Variants in TRIM24 observed in about 807,000 individuals in gnomAD.
TRIM24 encodes transcription intermediary factor 1-alpha.
A neutral mutation model predicts 123.9 loss-of-function variants in TRIM24; 29 were observed. The observed-to-expected ratio is 0.23, with a 90% confidence interval of 0.17 to 0.32. The LOEUF is 0.32. Ranked by LOEUF, TRIM24 falls within the 10% of genes least tolerant of loss-of-function variation. The pLI is 1.00. For missense variants in TRIM24, 932 were observed against 1,295.3 expected (o/e 0.72, Z 4.31); for synonymous variants, 456 against 461.1 (o/e 0.99, Z 0.14).
chr7:138,487,107 A>G (rs1017162942), intron 1 of TRIM24, among the ~76,000 whole-genome samples: 4 of 152,122 alleles, frequency 2.6e-5, no homozygotes, highest in South Asian at 2.1e-4. Flanking sequence ...GCAATTGTGA[A>G]TGGGAGTTCA....
At position 138,567,418 on chromosome 7, in the gene TRIM24, A is replaced by G. The variant is rs555211529; in HGVS notation, c.1531-63A>G. ...TTTCTGTAAAAGTTTTATAAGATAGAGATTTATAATTTGTTTTTCAGAAGA... is the reference window on the plus strand; with the variant it reads ...TTTCTGTAAAAGTTTTATAAGATAGGGATTTATAATTTGTTTTTCAGAAGA... On this transcript the variant is annotated intron_variant, in intron 9 of 18. Coordinates refer to ENST00000343526, the MANE Select transcript of TRIM24 (RefSeq NM_015905.3). 8 of 1,445,806 alleles carry G rather than the reference A, an allele frequency of 5.5e-6. No homozygotes were observed. The South Asian group carries it at 9.8e-5, about 18-fold the overall frequency. 89.6% of individuals were successfully genotyped at this position (1,445,806 alleles called of 1,614,324 possible).
chr7:138,542,723 G>A (rs905230704), intron 7 of TRIM24, among the ~76,000 whole-genome samples: 2 of 152,152 alleles, frequency 1.3e-5, no homozygotes, highest in African/African-American at 4.8e-5. Context: ...CCAAAAAATG[G>A]AAGTCCAGAA....
chr7:138,469,231 A>G (rs1297945380), intron 1 of TRIM24, among the ~76,000 whole-genome samples: 1 of 151,982 alleles, frequency 6.6e-6, no homozygotes, highest in African/African-American at 2.4e-5. Flanking sequence ...TTAGGTCTCT[A>G]GATTTCTCTG....
Position 138,462,556 on chromosome 7 carries a change from G to A in TRIM24, c.364+1644G>A, listed in dbSNP as rs1005657184. Among the ~76,000 whole-genome samples the A allele has an allele frequency of 7.0e-4, 106 of 151,812 alleles. 1 individual carries two copies. Among genetic ancestry groups the A allele is most frequent in the Middle Eastern group, 3.4e-3 (1 of 294 alleles). On this transcript the variant is annotated intron_variant, in intron 1 of 18. Coordinates refer to ENST00000343526, the MANE Select transcript of TRIM24 (RefSeq NM_015905.3). Reference sequence around the variant, plus strand: ...GGGGTTTCACCGTGTTAGCCAGGATGGTCTCGATCTCCTGACCTCGTGATC... The same window carrying A: ...GGGGTTTCACCGTGTTAGCCAGGATAGTCTCGATCTCCTGACCTCGTGATC...
intron 1 of TRIM24, among the ~76,000 whole-genome samples, chr7:138,474,271 G>A (rs1223693193): frequency 4.0e-5 from 6 of 151,876 alleles, no homozygotes; most frequent in East Asian, 1.9e-4. Flanking sequence ...GACTACAGGC[G>A]TCCGCTACTG....
At chr7:138,547,914 G>A (rs1278302656) in intron 7 of TRIM24, among the ~76,000 whole-genome samples, 1 of 152,214 alleles carries the variant, frequency 6.6e-6, no homozygotes, top group East Asian at 1.9e-4. Context: ...AAAGTGTTGG[G>A]ATGACAGGTG....
intron 1 of TRIM24, among the ~76,000 whole-genome samples, chr7:138,484,413 A>T (rs1795601807): frequency 6.8e-6 from 1 of 146,198 alleles, no homozygotes; most frequent in Admixed American, 6.9e-5. Context: ...CTGGCCTTAG[A>T]TTTTTTTTTT....
intron 14 of TRIM24, 128 bp from the exon 15 acceptor site, chr7:138,579,076 T>C: frequency 1.4e-6 from 1 of 692,362 alleles, no homozygotes; most frequent in South Asian, 2.2e-5. Context: ...GCAATAAACA[T>C]ATACCCTTCT....
At chr7:138,511,870 A>G (rs549920919) in intron 2 of TRIM24, among the ~76,000 whole-genome samples, 1 of 152,320 alleles carries the variant, frequency 6.6e-6, no homozygotes, top group East Asian at 1.9e-4. Flanking sequence ...TTAACTCTCA[A>G]AAAGTCCTAA....
intron 7 of TRIM24, among the ~76,000 whole-genome samples, chr7:138,541,601 G>C (rs1271043434): frequency 6.6e-6 from 1 of 152,166 alleles, no homozygotes; most frequent in Non-Finnish European, 1.5e-5. Flanking sequence ...AGGGCCCTAG[G>C]ATATTTGGAA....
intron 9 of TRIM24, among the ~76,000 whole-genome samples, chr7:138,564,875 C>T (rs969038853): frequency 7.9e-5 from 12 of 152,144 alleles, no homozygotes; most frequent in African/African-American, 1.9e-4. Flanking sequence ...TGGGTTTTGA[C>T]GACTTCCCTC....
intron 6 of TRIM24, among the ~76,000 whole-genome samples, chr7:138,537,881 A>C (rs550045985): frequency 6.6e-6 from 1 of 152,202 alleles, no homozygotes; most frequent in Non-Finnish European, 1.5e-5. Flanking sequence ...AAACATTTCT[A>C]ATTTGTCTGA....
At chr7:138,572,712 T>G (rs1797682825) in intron 11 of TRIM24, among the ~76,000 whole-genome samples, 1 of 152,130 alleles carries the variant, frequency 6.6e-6, no homozygotes, top group Non-Finnish European at 1.5e-5. Context: ...TGAACAAGAG[T>G]AGAACTATGT....
intron 7 of TRIM24, among the ~76,000 whole-genome samples, chr7:138,547,579 A>G (rs1002350067): frequency 6.6e-5 from 10 of 152,348 alleles, no homozygotes; most frequent in South Asian, 4.1e-4. Context: ...TAAATTTTAG[A>G]TAAAACATAG....
intron 2 of TRIM24, among the ~76,000 whole-genome samples, chr7:138,512,635 G>GA (rs970975384): frequency 6.6e-6 from 1 of 151,792 alleles, no homozygotes; most frequent in Non-Finnish European, 1.5e-5. Flanking sequence ...GCCATGGCTG[G>GA]AACTGGAGAG....
intron 11 of TRIM24, among the ~76,000 whole-genome samples, chr7:138,572,989 A>C (rs1797687819): frequency 6.6e-6 from 1 of 152,264 alleles, no homozygotes; most frequent in African/African-American, 2.4e-5. Context: ...GACTTCGTCT[A>C]TTTAGCACAT....
At chr7:138,520,905 A>G (rs949655386) in intron 4 of TRIM24, among the ~76,000 whole-genome samples, 13 of 152,216 alleles carry the variant, frequency 8.5e-5, no homozygotes, top group Non-Finnish European at 1.8e-4. Context: ...GATGGAAAGT[A>G]CAGAGAATGG....
intron 6 of TRIM24, among the ~76,000 whole-genome samples, chr7:138,535,317 T>C (rs1796844798): frequency 6.6e-6 from 1 of 152,244 alleles, no homozygotes; most frequent in African/African-American, 2.4e-5. Context: ...GCATCAGTGG[T>C]CTTTATGATT....
At chr7:138,533,872 A>G (rs1771827886) in intron 6 of TRIM24, among the ~76,000 whole-genome samples, 1 of 152,030 alleles carries the variant, frequency 6.6e-6, no homozygotes, top group African/African-American at 2.4e-5. Context: ...GTAGGCTATT[A>G]ATTATTGCCT....
Sources: gnomAD v4.1 joint callset for allele counts (sites outside exome capture counted in the v4.1 genomes callset) on GRCh38, gnomAD v4.1.1 for gene constraint, MANE v1.5 for transcripts, NCBI Gene and HGNC (gene_info 2026-07-23, HGNC 2026-07-21) for gene names.